The following GPR158 variants were observed in gnomAD, a reference collection of about 807,000 sequenced individuals.
GPR158 encodes metabotropic glycine receptor.
In GPR158, 30 loss-of-function variants were observed where a neutral mutation model predicts 78.2. The observed-to-expected ratio is 0.38, with a 90% CI of 0.29 to 0.52. The LOEUF is 0.52. Ranked by LOEUF, GPR158 falls within the 20% of genes least tolerant of loss-of-function variation. The pLI is 0.83. For synonymous variants in GPR158, 581 were observed against 591.1 expected, an observed-to-expected ratio of 0.98 and a Z score of 0.25; for missense variants, 1,463 against 1,523.5, an observed-to-expected ratio of 0.96 and a Z score of 0.66.
rs551653867 is a variant in GPR158, at chr10:25,459,593, T to C, written c.1336-7058T>C. On this transcript the variant is annotated intron_variant, in intron 4 of 10. Coordinates refer to ENST00000376351, the MANE Select transcript of GPR158 (RefSeq NM_020752.3). ...ATATAAATGAAGTACTTAGTCCCCA[T>C]AGAATCAGGAAAATAATAATAAGCC... 2.6e-5 allele frequency among the ~76,000 whole-genome samples: 4 copies of C among 152,246 alleles called. No homozygotes were observed. The South Asian group carries it at 8.3e-4, about 32-fold the overall frequency.
chr10:25,319,839 A>T (rs187835454), intron 2 of GPR158, among the ~76,000 whole-genome samples: 20,484 of 150,270 alleles, frequency 0.14, 2,636 homozygotes, highest in African/African-American at 0.34. Flanking sequence ...CCAAAAAAAA[A>T]CCCTGACCTG....
intron 2 of GPR158, among the ~76,000 whole-genome samples, chr10:25,375,772 A>G (rs1409594310): frequency 6.6e-6 from 1 of 151,562 alleles, no homozygotes; most frequent in Non-Finnish European, 1.5e-5. Flanking sequence ...CTAATATCGT[A>G]GTGTCTTAAT....
chr10:25,394,110 C>A (rs1289749193), intron 2 of GPR158, among the ~76,000 whole-genome samples: 3 of 152,196 alleles, frequency 2.0e-5, no homozygotes, highest in Non-Finnish European at 4.4e-5. Flanking sequence ...AGTTAAATGA[C>A]AACTCCATAC....
intron 1 of GPR158, among the ~76,000 whole-genome samples, chr10:25,178,347 G>A (rs760952386): frequency 2.0e-5 from 3 of 152,108 alleles, no homozygotes; most frequent in Non-Finnish European, 4.4e-5. Context: ...AACAATGTAG[G>A]TACTGTGTAA....
intron 3 of GPR158, among the ~76,000 whole-genome samples, chr10:25,397,392 G>C (rs1834374970): frequency 6.6e-6 from 1 of 152,154 alleles, no homozygotes; most frequent in African/African-American, 2.4e-5. Flanking sequence ...GAAAGTTAGG[G>C]TTTGGGAGTT....
rs191997192 is a variant in GPR158, at chr10:25,501,545, G to A, written c.1404+34826G>A. Among the ~76,000 whole-genome samples, 13 of 152,250 alleles carry A rather than the reference G, an allele frequency of 8.5e-5. No individual in the cohort carries two copies. In the East Asian group the frequency reaches 1.5e-3, roughly 18 times the overall value. On this transcript the variant is annotated intron_variant, in intron 5 of 10. Coordinates refer to ENST00000376351, the MANE Select transcript of GPR158 (RefSeq NM_020752.3). Reference sequence around the variant, plus strand: ...GCTCTGCCTGGCAGATAGTAGGCACGTATGAAATACTTGCTGAATGAACAT... The same window carrying A: ...GCTCTGCCTGGCAGATAGTAGGCACATATGAAATACTTGCTGAATGAACAT...
chr10:25,285,214 A>G (rs528785314), intron 2 of GPR158, among the ~76,000 whole-genome samples: 2 of 152,132 alleles, frequency 1.3e-5, no homozygotes, highest in African/African-American at 2.4e-5. Context: ...AATAGAATCA[A>G]TGAGATATAG....
At chr10:25,207,447 GGT>G (rs1853058226) in intron 1 of GPR158, among the ~76,000 whole-genome samples, 1 of 152,142 alleles carries the variant, frequency 6.6e-6, no homozygotes, top group African/African-American at 2.4e-5. Flanking sequence ...TTCCATCGAT[GGT>G]GGGGAAGGGG....
rs1470657286 is a variant in GPR158 at position 25,243,952 on chromosome 10, G to C, written c.1008+22795G>C. On this transcript the variant is annotated intron_variant, in intron 2 of 10. Transcript: ENST00000376351. ...CCTGTTTCTAAGAGACTCTAGCTAA[G>C]TAGGAAAAGTGACAGGAAATGCTAT... is the stretch of plus-strand genomic sequence containing the variant. The C allele has an allele frequency of 2.0e-5, 3 of 152,130 alleles. No individual in the cohort carries two copies. In the East Asian group the frequency reaches 5.8e-4, roughly 29 times the overall value. 9.4% of individuals were successfully genotyped at this position (152,130 alleles called of 1,614,324 possible).
At chr10:25,249,127 T>A (rs764221881) in intron 2 of GPR158, among the ~76,000 whole-genome samples, 1 of 152,120 alleles carries the variant, frequency 6.6e-6, no homozygotes, top group African/African-American at 2.4e-5. Flanking sequence ...GTTGTTGGTG[T>A]ATAAGAATGC....
intron 2 of GPR158, among the ~76,000 whole-genome samples, chr10:25,314,351 G>A (rs1409824068): frequency 6.6e-6 from 1 of 151,958 alleles, no homozygotes; most frequent in African/African-American, 2.4e-5. Flanking sequence ...TGCCCACCTC[G>A]GCCTCCCAAA....
intron 4 of GPR158, among the ~76,000 whole-genome samples, chr10:25,463,359 G>A (rs1303909267): frequency 2.0e-5 from 3 of 151,948 alleles, no homozygotes; most frequent in African/African-American, 7.3e-5. Flanking sequence ...TATTGCTGTG[G>A]TCTGAAACCA....
Position 25,176,078 on chromosome 10 carries a change from A to C in GPR158, c.658A>C (p.Thr220Pro), listed in dbSNP as rs760850067. ...CCACCTGGCCAACGCCACTCTGGAG[A>C]CCGAGTGGTTCCACGGCCTCCGGCG... is the stretch of plus-strand genomic sequence containing the variant. ...APHLANATLETEWFHGLRRKW... is the reference protein window; with the variant it reads ...APHLANATLEPEWFHGLRRKW... The change falls in exon 1 of 11, where the codon ACC (threonine) becomes CCC (proline). Residue 220 changes from threonine to proline, a missense_variant. Thr to Pro is a conservative substitution (Grantham distance 38). Coordinates refer to ENST00000376351, the MANE Select transcript of GPR158 (RefSeq NM_020752.3). This position sits in a 1 kb window ranked among gnomAD's most constrained non-coding sequence, Gnocchi z 6.3. 2 of 1,599,924 alleles carry C rather than the reference A, an allele frequency of 1.3e-6. No individual in the cohort carries two copies. The highest frequency in any genetic ancestry group is 1.7e-6 in the Non-Finnish European group (2 of 1,173,926).
At chr10:25,379,559 G>T (rs1419136945) in intron 2 of GPR158, among the ~76,000 whole-genome samples, 1 of 151,352 alleles carries the variant, frequency 6.6e-6, no homozygotes, top group Non-Finnish European at 1.5e-5. Flanking sequence ...TACGGCAAAA[G>T]ACTTCTTTTT....
intron 1 of GPR158, among the ~76,000 whole-genome samples, chr10:25,205,519 T>A (rs375446715): frequency 6.6e-6 from 1 of 152,112 alleles, no homozygotes; most frequent in Non-Finnish European, 1.5e-5. Context: ...GATGTTCGGC[T>A]GTTAATTTGA....
intron 2 of GPR158, among the ~76,000 whole-genome samples, chr10:25,358,260 G>A (rs1855579904): frequency 1.3e-5 from 2 of 152,082 alleles, no homozygotes; most frequent in African/African-American, 2.4e-5. Flanking sequence ...TTTGGACTGT[G>A]GACTTTGGAG....
chr10:25,341,478 A>C, intron 2 of GPR158, among the ~76,000 whole-genome samples: 1 of 151,976 alleles, frequency 6.6e-6, no homozygotes, highest in East Asian at 1.9e-4. Flanking sequence ...TAAAAGGATA[A>C]ATAACTATGA....
chr10:25,425,372 C>A (rs1459359195), intron 4 of GPR158, among the ~76,000 whole-genome samples: 1 of 151,876 alleles, frequency 6.6e-6, no homozygotes. Context: ...GCCATTCTTG[C>A]AGGAGTGAAA....
intron 2 of GPR158, among the ~76,000 whole-genome samples, chr10:25,340,514 C>T (rs1855287711): frequency 6.6e-6 from 1 of 151,842 alleles, no homozygotes; most frequent in South Asian, 2.1e-4. Context: ...AAAATTTCAA[C>T]AGAGAACTAG....
Sources: allele counts gnomAD v4.1 joint callset (sites outside exome capture counted in the v4.1 genomes callset), GRCh38; gene constraint gnomAD v4.1.1; non-coding constraint Gnocchi (gnomAD v3.1); transcripts MANE v1.5; gene names NCBI Gene and HGNC (gene_info 2026-07-23, HGNC 2026-07-21).